The following PSMC6 variants were observed in gnomAD, a reference collection of about 807,000 sequenced individuals.
PSMC6 encodes proteasome 26S subunit, ATPase 6.
PSMC6 carries 3 observed loss-of-function variants against 55.9 expected under a neutral mutation model. That is an observed-to-expected ratio of 0.05 (90% CI 0.02 to 0.14). The LOEUF is 0.14. Among genes scored for constraint, PSMC6 ranks in the 10% least tolerant of loss-of-function variants. The probability of loss-of-function intolerance (pLI) is 1.00; values close to 1 mark genes in which losing one functional copy is unlikely to be tolerated. For missense variants in PSMC6, 210 were observed against 478.7 expected (o/e 0.44, Z 5.24); for synonymous variants, 137 against 155.9 (o/e 0.88, Z 0.90).
chr14:52,722,752 TG>T (rs1469204292), intron 12 of PSMC6: 1 of 152,240 alleles, frequency 6.6e-6, no homozygotes. Flanking sequence ...CCTGTGTTTT[TG>T]GAAACACACA....
intron 6 of PSMC6, 78 bp from the exon 7 acceptor site, chr14:52,713,803 G>A (rs999407079): frequency 6.7e-6 from 6 of 896,850 alleles, no homozygotes; most frequent in African/African-American, 1.7e-5. Context: ...TAACTAAGGT[G>A]ATATTTGACT....
In PSMC6 at chr14:52,720,969, G is replaced by A; in HGVS notation, c.886G>A (p.Asp296Asn). ...DPALLRPGRL[D>N]RKIHIDLPNE... ...TGCTTTGCTGCGTCCAGGAAGATTAGATAGAAAAATACGTGAGTTAAGATT... is the reference window on the plus strand; with the variant it reads ...TGCTTTGCTGCGTCCAGGAAGATTAAATAGAAAAATACGTGAGTTAAGATT... Residue 296 changes from aspartate (D) to asparagine (N), a missense_variant, in exon 11 of 14, where the codon GAT (aspartate) becomes AAT (asparagine). Asp to Asn is a conservative substitution (Grantham distance 23, BLOSUM62 1). Coordinates refer to ENST00000445930, the MANE Select transcript of PSMC6 (RefSeq NM_002806.5). 1 of 1,612,886 alleles carries A rather than the reference G, an allele frequency of 6.2e-7. No individual in the cohort carries two copies. Among genetic ancestry groups the A allele is most frequent in the Non-Finnish European group, 8.5e-7 (1 of 1,179,428 alleles).
chr14:52,714,407 A>G (rs916380327), intron 7 of PSMC6, among the ~76,000 whole-genome samples: 1 of 152,142 alleles, frequency 6.6e-6, no homozygotes, highest in African/African-American at 2.4e-5. Context: ...GAGATAGGAT[A>G]TTTATGTCTA....
Position 52,720,841 on chromosome 14 carries a change from C to T in PSMC6, c.778-20C>T. ...TTAATGGTTAGAATTTTTGTAAAATCTGATTCTTAATATTCTTAGTTACTG... is the reference window on the plus strand; with the variant it reads ...TTAATGGTTAGAATTTTTGTAAAATTTGATTCTTAATATTCTTAGTTACTG... On this transcript the variant is annotated intron_variant, in intron 10 of 13. Transcript: ENST00000445930. 6.4e-7 allele frequency: 1 copy of T among 1,564,706 alleles called. No individual in the cohort carries two copies. Among genetic ancestry groups the T allele is most frequent in the Non-Finnish European group, 8.7e-7 (1 of 1,146,060 alleles).
chr14:52,714,331 C>T (rs1304491373), intron 7 of PSMC6, among the ~76,000 whole-genome samples: 1 of 152,200 alleles, frequency 6.6e-6, no homozygotes, highest in African/African-American at 2.4e-5. Context: ...TAAACCACTG[C>T]GCCTGGCCAT....
intron 7 of PSMC6, among the ~76,000 whole-genome samples, chr14:52,715,474 C>G (rs1361052078): frequency 1.3e-5 from 2 of 152,094 alleles, no homozygotes; most frequent in Non-Finnish European, 2.9e-5. Context: ...TTTTCCAAAG[C>G]GAACAAATTA....
At chr14:52,711,568 C>G (rs773704516) in intron 6 of PSMC6, 44 bp downstream of exon 6, 9 of 1,329,306 alleles carry the variant, frequency 6.8e-6, no homozygotes, top group Middle Eastern at 3.7e-4. Context: ...CTAATAAATA[C>G]TACTAGTTTT....
chr14:52,721,389 G>A, intron 12 of PSMC6, 199 bp downstream of exon 12: 1 of 462,934 alleles, frequency 2.2e-6, no homozygotes, highest in Non-Finnish European at 3.9e-6. Flanking sequence ...ATATAGCAAG[G>A]AACAAAACAG....
chr14:52,708,260 A>G (rs776292531), intron 1 of PSMC6, 49 bp from the exon 2 acceptor site: 4 of 1,498,204 alleles, frequency 2.7e-6, no homozygotes, highest in Non-Finnish European at 3.7e-6. Flanking sequence ...CGACTTAAAC[A>G]CACTAAGATT....
Position 52,708,541 on chromosome 14 carries a change from T to TATTA in PSMC6, c.205+24_205+27dup. The TATTA allele has an allele frequency of 6.2e-7, 1 of 1,606,166 alleles. No individual in the cohort carries two copies. Among genetic ancestry groups the TATTA allele is most frequent in the Non-Finnish European group, 8.5e-7 (1 of 1,173,160 alleles). ...GAAAAATGTGAGTGATGAATTAGCTTATTAATTAGTAAAGAAACAGTCCAC... is the reference window on the plus strand; with the variant it reads ...GAAAAATGTGAGTGATGAATTAGCTTATTAATTAATTAGTAAAGAAACAGTCCAC... On this transcript the variant is annotated intron_variant, in intron 3 of 13. Transcript: ENST00000445930.
At chr14:52,717,429 G>A (rs537355513) in intron 7 of PSMC6, among the ~76,000 whole-genome samples, 5 of 141,598 alleles carry the variant, frequency 3.5e-5, no homozygotes, top group Admixed American at 3.1e-4. Flanking sequence ...CCCACCTCCC[G>A]GATTCAAGCG....
rs1228128067 is a variant in PSMC6, at chr14:52,711,292, A to C, written c.327-118A>C. 3 of 1,267,682 alleles carry C rather than the reference A, an allele frequency of 2.4e-6. No individual in the cohort carries two copies. The East Asian group carries it at 7.0e-5, about 29-fold the overall frequency. 78.5% of individuals were successfully genotyped at this position (1,267,682 alleles called of 1,614,324 possible). A position where few individuals can be genotyped will look rare whatever the true frequency, so the allele number is the denominator to read the frequency against. On this transcript the variant is annotated intron_variant, in intron 5 of 13. Coordinates refer to ENST00000445930, the MANE Select transcript of PSMC6 (RefSeq NM_002806.5). ...TTTTCCCTTTTACTAGTTTCTAATT[A>C]AGCACATCTTTATGAGATCAGCTAC...
intron 10 of PSMC6, 106 bp from the exon 11 acceptor site, chr14:52,720,755 A>T: frequency 1.2e-6 from 1 of 848,752 alleles, no homozygotes; most frequent in Non-Finnish European, 1.8e-6. Context: ...GATAGAACAT[A>T]TCTATCTGTA....
intron 4 of PSMC6, 97 bp downstream of exon 4, chr14:52,708,913 T>C: frequency 6.6e-7 from 1 of 1,525,770 alleles, no homozygotes; most frequent in Non-Finnish European, 8.9e-7. Context: ...GGAGCATTTA[T>C]GCCCATAACT....
intron 3 of PSMC6, 30 bp from the exon 4 acceptor site, chr14:52,708,734 C>G (rs2041732070): frequency 6.2e-7 from 1 of 1,610,014 alleles, no homozygotes; most frequent in East Asian, 2.2e-5. Flanking sequence ...TTCTATTTTT[C>G]AATTAGTTCT....
At chr14:52,711,004 G>T in intron 4 of PSMC6, 97 bp from the exon 5 acceptor site, 1 of 807,686 alleles carries the variant, frequency 1.2e-6, no homozygotes, top group Non-Finnish European at 2.1e-6. Context: ...TCTCTGGAGG[G>T]TAAAAATGAG....
chr14:52,718,199 T>C (rs1468328184), intron 8 of PSMC6, 30 bp from the exon 9 acceptor site: 4 of 1,609,030 alleles, frequency 2.5e-6, no homozygotes, highest in Non-Finnish European at 3.4e-6. Context: ...AATTATCTTA[T>C]ATTTACCTTA....
At chr14:52,718,551 G>A (rs1490263356) in intron 9 of PSMC6, 199 bp downstream of exon 9, 1 of 523,420 alleles carries the variant, frequency 1.9e-6, no homozygotes, top group Non-Finnish European at 3.3e-6. Context: ...CACTTTGAGA[G>A]GCCAAGGTGG....
At chr14:52,719,110 G>C in intron 10 of PSMC6, 72 bp downstream of exon 10, 1 of 1,238,888 alleles carries the variant, frequency 8.1e-7, no homozygotes, top group East Asian at 2.4e-5. Context: ...TTGCATATTT[G>C]ATAGTCAAAA....
Sources: allele counts gnomAD v4.1 joint callset (sites outside exome capture counted in the v4.1 genomes callset), GRCh38; gene constraint gnomAD v4.1.1; transcripts MANE v1.5; gene names NCBI Gene and HGNC (gene_info 2026-07-23, HGNC 2026-07-21).